The following MKLN1 variants were observed in gnomAD, a reference collection of about 807,000 sequenced individuals.
MKLN1 encodes muskelin.
Under a neutral mutation model 99.0 loss-of-function variants are expected in MKLN1, and 18 were observed. That is an observed-to-expected ratio of 0.18 (90% CI 0.13 to 0.27). The LOEUF (loss-of-function observed/expected upper bound fraction) is 0.27. Among genes scored for constraint, MKLN1 ranks in the 10% least tolerant of loss-of-function variants. The pLI, the probability that MKLN1 is intolerant of heterozygous loss-of-function variation, is 1.00. For synonymous variants in MKLN1, 288 were observed against 293.2 expected (o/e 0.98, Z 0.18); for missense variants, 621 against 875.9 (o/e 0.71, Z 3.67).
At chr7:131,310,233 G>C (rs1303942924) in intron 3 of MKLN1, 2 of 152,152 alleles carry the variant, frequency 1.3e-5, no homozygotes, top group African/African-American at 2.4e-5. Flanking sequence ...GCCTCAAAAG[G>C]GGGTGTGTGT....
chr7:131,338,520 A>C (rs1382081057), intron 1 of MKLN1, among the ~76,000 whole-genome samples: 2 of 152,262 alleles, frequency 1.3e-5, no homozygotes, highest in Non-Finnish European at 2.9e-5. Context: ...AGAAAGTCTG[A>C]TATTTTAAGA....
intron 1 of MKLN1, among the ~76,000 whole-genome samples, chr7:131,329,174 C>T (rs1798991972): frequency 6.6e-6 from 1 of 152,140 alleles, no homozygotes; most frequent in Admixed American, 6.5e-5. Context: ...CACATTTATC[C>T]AAATTTGATT....
chr7:131,243,378 G>A (rs1266638454), intron 3 of MKLN1, among the ~76,000 whole-genome samples: 3 of 152,312 alleles, frequency 2.0e-5, no homozygotes, highest in African/African-American at 7.2e-5. Context: ...ACCGGCCTTT[G>A]TAATAATGTG....
intron 1 of MKLN1, among the ~76,000 whole-genome samples, chr7:131,347,754 T>TCTGA (rs1218001104): frequency 6.6e-6 from 1 of 152,202 alleles, no homozygotes; most frequent in Non-Finnish European, 1.5e-5. Flanking sequence ...AAATCTAGTA[T>TCTGA]CTGAAGTTTT....
chr7:131,435,471 T>C (rs1276571923), intron 9 of MKLN1, among the ~76,000 whole-genome samples: 1 of 152,158 alleles, frequency 6.6e-6, no homozygotes, highest in Non-Finnish European at 1.5e-5. Flanking sequence ...TTTTTTCCCT[T>C]GATTTTCTGA....
intron 2 of MKLN1, among the ~76,000 whole-genome samples, chr7:131,165,770 C>T (rs954201818): frequency 3.3e-5 from 5 of 152,078 alleles, no homozygotes; most frequent in Non-Finnish European, 7.4e-5. Context: ...CTAGCGGCAC[C>T]GGGTGGTACG....
intron 9 of MKLN1, among the ~76,000 whole-genome samples, chr7:131,429,346 T>C (rs1351512431): frequency 6.6e-6 from 1 of 152,148 alleles, no homozygotes; most frequent in African/African-American, 2.4e-5. Context: ...ACCAAATCTG[T>C]TTTATAGAGA....
chr7:131,358,328 T>C (rs1007005897), intron 1 of MKLN1, among the ~76,000 whole-genome samples: 3 of 152,198 alleles, frequency 2.0e-5, no homozygotes, highest in Admixed American at 1.3e-4. Context: ...TTTAGCCTAT[T>C]GATGTGTAAT....
intron 12 of MKLN1, among the ~76,000 whole-genome samples, chr7:131,459,017 T>C (rs1796431774): frequency 6.6e-6 from 1 of 152,240 alleles, no homozygotes; most frequent in African/African-American, 2.4e-5. Context: ...ACGTGGCATG[T>C]GAGCCTTCAG....
chr7:131,484,226 A>C (rs971732429), intron 17 of MKLN1, among the ~76,000 whole-genome samples: 2 of 152,208 alleles, frequency 1.3e-5, no homozygotes, highest in Non-Finnish European at 2.9e-5. Flanking sequence ...AAAATAAAAG[A>C]TGTGCCTTTG....
intron 1 of MKLN1, among the ~76,000 whole-genome samples, chr7:131,115,847 A>G (rs1288370605): frequency 2.0e-5 from 3 of 152,114 alleles, no homozygotes; most frequent in Non-Finnish European, 2.9e-5. Flanking sequence ...CTCCCTGACC[A>G]CGCCACCTGA....
intron 2 of MKLN1, among the ~76,000 whole-genome samples, chr7:131,382,356 G>A (rs531619667): frequency 6.6e-6 from 1 of 151,556 alleles, no homozygotes; most frequent in South Asian, 2.1e-4. Flanking sequence ...CAGACAAGGC[G>A]AGAATCTTTC....
chr7:131,470,591 A>G (rs557847943), intron 15 of MKLN1, among the ~76,000 whole-genome samples: 3 of 152,314 alleles, frequency 2.0e-5, no homozygotes, highest in South Asian at 2.1e-4. Context: ...AAGATAGGAA[A>G]TGCTCCTACC....
At chr7:131,481,616 A>G (rs1797123391) in intron 17 of MKLN1, among the ~76,000 whole-genome samples, 1 of 152,136 alleles carries the variant, frequency 6.6e-6, no homozygotes, top group African/African-American at 2.4e-5. Flanking sequence ...TAATTTTAAT[A>G]ATGAGAAATT....
At chr7:131,181,939 C>T (rs747292791) in intron 2 of MKLN1, among the ~76,000 whole-genome samples, 7 of 152,094 alleles carry the variant, frequency 4.6e-5, no homozygotes, top group East Asian at 1.9e-4. Flanking sequence ...AGATTACAGG[C>T]GTGAGCCACC....
intron 15 of MKLN1, among the ~76,000 whole-genome samples, chr7:131,467,059 A>G (rs1796685802): frequency 1.3e-5 from 2 of 152,148 alleles, no homozygotes; most frequent in Non-Finnish European, 2.9e-5. Context: ...GGTAATAAAA[A>G]TTTGCTTTAG....
chr7:131,346,762 A>G (rs143051061), intron 1 of MKLN1, among the ~76,000 whole-genome samples: 68 of 152,326 alleles, frequency 4.5e-4, no homozygotes, highest in African/African-American at 1.6e-3. Flanking sequence ...TTATAAAATA[A>G]TCTATTATTT....
intron 1 of MKLN1, among the ~76,000 whole-genome samples, chr7:131,117,330 T>C (rs1195982416): frequency 2.0e-5 from 3 of 151,812 alleles, no homozygotes; most frequent in Non-Finnish European, 4.4e-5. Context: ...CTCGGGAGGC[T>C]GAGGCAGGAG....
At chr7:131,428,901 A>C (rs1352844276) in intron 8 of MKLN1, 132 bp from the exon 9 acceptor site, 2 of 605,222 alleles carry the variant, frequency 3.3e-6, no homozygotes. Context: ...GAAAGTTACC[A>C]GGTTAAAATT....
Sources: gnomAD v4.1 joint callset for allele counts (sites outside exome capture counted in the v4.1 genomes callset) on GRCh38, gnomAD v4.1.1 for gene constraint, MANE v1.5 for transcripts, NCBI Gene and HGNC (gene_info 2026-07-23, HGNC 2026-07-21) for gene names.